Variants in PTPA observed in about 807,000 individuals in gnomAD.
The protein encoded by PTPA is protein phosphatase 2 phosphatase activator, also known as serine/threonine-protein phosphatase 2A activator.
A neutral mutation model predicts 43.6 loss-of-function variants in PTPA; 13 were observed. That is an observed-to-expected ratio of 0.30 (90% CI 0.19 to 0.47). The LOEUF (loss-of-function observed/expected upper bound fraction) is 0.47. Ranked by LOEUF, PTPA falls within the 20% of genes least tolerant of loss-of-function variation. The pLI is 0.99. For synonymous variants in PTPA, 172 were observed against 158.2 expected (o/e 1.09, Z -0.66); for missense variants, 329 against 411.9 (o/e 0.80, Z 1.74).
In PTPA at chr9:129,123,053, C is replaced by T; in HGVS notation, c.131C>T (p.Ala44Val). The T allele has an allele frequency of 1.2e-6, 2 of 1,606,988 alleles. No individual in the cohort carries two copies. The highest frequency in any genetic ancestry group is 1.7e-6 in the Non-Finnish European group (2 of 1,175,766). ...CCCATTCTCCTCTCTGTTTGGTAGG[C>T]ATACGCTGACTACATCGGATTCATC... ...PDMGKWKRSQ[A>V]YADYIGFILT... is the part of the protein sequence containing the mutation. Residue 44 changes from alanine to valine, a missense_variant and splice_region_variant, in exon 3 of 10, where the codon GCA (alanine) becomes GTA (valine). Ala to Val is a moderately conservative substitution (Grantham distance 64, BLOSUM62 0). Transcript: ENST00000393370.
chr9:129,113,516 C>G (rs1848678569), intron 1 of PTPA, among the ~76,000 whole-genome samples: 1 of 151,802 alleles, frequency 6.6e-6, no homozygotes, highest in African/African-American at 2.4e-5. Context: ...CACCTGTAAT[C>G]CCAGCACTTT....
intron 9 of PTPA, among the ~76,000 whole-genome samples, chr9:129,145,317 A>C (rs1588542832): frequency 6.6e-6 from 1 of 151,330 alleles, no homozygotes; most frequent in South Asian, 2.1e-4. Context: ...GGCAACAGCG[A>C]GACTCCATCT....
intron 9 of PTPA, among the ~76,000 whole-genome samples, chr9:129,143,841 C>T (rs761583333): frequency 6.6e-6 from 1 of 151,942 alleles, no homozygotes; most frequent in Non-Finnish European, 1.5e-5. Context: ...CCTCTGGTGT[C>T]CTGATGTTCC....
intron 3 of PTPA, among the ~76,000 whole-genome samples, chr9:129,128,746 G>C (rs1849751533): frequency 6.6e-6 from 1 of 152,134 alleles, no homozygotes; most frequent in African/African-American, 2.4e-5. Flanking sequence ...CAGAAACCAG[G>C]TGCTAAAGCC....
chr9:129,143,550 G>T (rs900780446), intron 9 of PTPA: 7 of 667,334 alleles, frequency 1.0e-5, no homozygotes, highest in Admixed American at 6.6e-5. Context: ...GAGGCCAGCG[G>T]GGTGGGGGAG....
intron 3 of PTPA, among the ~76,000 whole-genome samples, chr9:129,125,785 C>T (rs1034476748): frequency 6.6e-6 from 1 of 152,128 alleles, no homozygotes; most frequent in Non-Finnish European, 1.5e-5. Flanking sequence ...ATAAATACTT[C>T]GATTGTTATT....
At chr9:129,143,160 C>A in intron 9 of PTPA, 1 of 606,656 alleles carries the variant, frequency 1.6e-6, no homozygotes, top group Non-Finnish European at 2.9e-6. Context: ...TGTCTCCTGC[C>A]CTCTTGGCAC....
In PTPA at chr9:129,137,881, C is replaced by T. The variant is rs1850484938; in HGVS notation, c.786+189C>T. On this transcript the variant is annotated intron_variant, in intron 8 of 9. Coordinates refer to ENST00000393370, the MANE Select transcript of PTPA (RefSeq NM_178000.3). ...AAGAGCCGCTGCTGACTGTCAGGTC[C>T]TCCGCCCAGTTCTCCTTCAGTTTCT... 3 of 635,642 alleles carry T rather than the reference C, an allele frequency of 4.7e-6. No individual in the cohort carries two copies. In the East Asian group the frequency reaches 8.7e-5, roughly 19 times the overall value. The allele number at this position is 635,642 out of a possible 1,614,324, so 39.4% of individuals were successfully genotyped here. A position where few individuals can be genotyped will look rare whatever the true frequency, so the allele number is the denominator to read the frequency against.
intron 3 of PTPA, among the ~76,000 whole-genome samples, chr9:129,124,705 C>G (rs1038728292): frequency 4.6e-5 from 7 of 152,192 alleles, no homozygotes; most frequent in Admixed American, 2.0e-4. Context: ...GGGTTCATGT[C>G]CCACCTTGAG....
upstream of PTPA, chr9:129,111,303 C>A: frequency 8.8e-7 from 1 of 1,135,236 alleles, no homozygotes; most frequent in African/African-American, 1.6e-5. Flanking sequence ...TAGCGCTTGG[C>A]GGCCGTTGGC....
At chr9:129,111,373 C>T (rs1198405902), upstream of PTPA, 15 of 1,224,684 alleles carry the variant, frequency 1.2e-5, no homozygotes, top group African/African-American at 1.6e-4. Context: ...GCGCGTCCGC[C>T]GCGCGCCGGC....
intron 9 of PTPA, 130 bp from the exon 10 acceptor site, chr9:129,147,257 C>T: frequency 1.2e-6 from 1 of 820,012 alleles, no homozygotes; most frequent in Non-Finnish European, 2.0e-6. Flanking sequence ...GGAGGAAGGC[C>T]TGGGGGATCC....
chr9:129,112,928 T>G (rs1462212553), intron 1 of PTPA, among the ~76,000 whole-genome samples: 2 of 102,862 alleles, frequency 1.9e-5, no homozygotes, highest in Non-Finnish European at 3.9e-5. Flanking sequence ...ACAACAAGAG[T>G]GAAACTCCGT....
At chr9:129,123,006 G>T (rs1849351021) in intron 2 of PTPA, 46 bp from the exon 3 acceptor site, 4 of 1,473,078 alleles carry the variant, frequency 2.7e-6, no homozygotes, top group South Asian at 2.3e-5. Flanking sequence ...GGGCGGGGGG[G>T]TCTGCCACCC....
chr9:129,135,994 G>A (rs1390211328), intron 6 of PTPA, among the ~76,000 whole-genome samples: 1 of 152,126 alleles, frequency 6.6e-6, no homozygotes, highest in Non-Finnish European at 1.5e-5. Context: ...TTGAGACAGG[G>A]TCTTGCTCTG....
chr9:129,141,334 A>C (rs1850807980), intron 8 of PTPA, among the ~76,000 whole-genome samples: 2 of 151,956 alleles, frequency 1.3e-5, no homozygotes, highest in African/African-American at 4.8e-5. Flanking sequence ...TCTCCTTCAA[A>C]AAATAACCCA....
rs185043917 is a variant in PTPA at position 129,143,864 on chromosome 9, C to T, written c.894+1312C>T. 2.1e-4 allele frequency among the ~76,000 whole-genome samples: 32 copies of T among 152,070 alleles called. No individual in the cohort carries two copies. In the East Asian group the frequency reaches 5.1e-3, roughly 24 times the overall value. ...GTCCTGATGTTCCTGACCCCACCCC[C>T]GCCTGTCCCACAGTGGGGGCTGCTG... is the stretch of plus-strand genomic sequence containing the variant. On this transcript the variant is annotated intron_variant, in intron 9 of 9. Transcript: ENST00000393370.
At chr9:129,131,426 C>A in intron 4 of PTPA, 96 bp from the exon 5 acceptor site, 1 of 1,046,128 alleles carries the variant, frequency 9.6e-7, no homozygotes, top group Non-Finnish European at 1.5e-6. Flanking sequence ...CCTGGCAAGG[C>A]AGTGTGGGCC....
chr9:129,129,662 G>C (rs1849824378), intron 4 of PTPA, among the ~76,000 whole-genome samples: 1 of 151,858 alleles, frequency 6.6e-6, no homozygotes, highest in Non-Finnish European at 1.5e-5. Flanking sequence ...GTAGAGACGG[G>C]GTTTCACCGT....
Sources: gnomAD v4.1 joint callset for allele counts (sites outside exome capture counted in the v4.1 genomes callset) on GRCh38, gnomAD v4.1.1 for gene constraint, MANE v1.5 for transcripts, NCBI Gene and HGNC (gene_info 2026-07-23, HGNC 2026-07-21) for gene names.